Variants in HNRNPR observed in about 807,000 individuals in gnomAD.
The protein encoded by HNRNPR is heterogeneous nuclear ribonucleoprotein R.
A neutral mutation model predicts 70.3 loss-of-function variants in HNRNPR; 4 were observed. The ratio of observed to expected loss-of-function variants is 0.06; its 90% CI spans 0.03 to 0.13. The LOEUF (loss-of-function observed/expected upper bound fraction) is 0.13, where lower values mean the gene tolerates loss of function less well. Ranked by LOEUF, HNRNPR falls within the 10% of genes least tolerant of loss-of-function variation. HNRNPR has a pLI of 1.00. For missense variants in HNRNPR, 423 were observed against 788.5 expected, an observed-to-expected ratio of 0.54 and a Z score of 5.55; for synonymous variants, 241 against 267.6, an observed-to-expected ratio of 0.90 and a Z score of 0.97.
chr1:23,326,304 A>G (rs1645972951), intron 5 of HNRNPR, among the ~76,000 whole-genome samples: 1 of 152,098 alleles, frequency 6.6e-6, no homozygotes, highest in Non-Finnish European at 1.5e-5. Context: ...CATCATCACA[A>G]CTAGGGATAC....
chr1:23,311,423 A>C (rs1485108964), intron 9 of HNRNPR, 101 bp from the exon 10 acceptor site: 4 of 730,342 alleles, frequency 5.5e-6, no homozygotes, highest in African/African-American at 5.4e-5. Context: ...TACACTTAAC[A>C]ATTTACTTCA....
At chr1:23,319,491 CTTCT>C (rs1286359625) in intron 7 of HNRNPR, among the ~76,000 whole-genome samples, 5 of 152,204 alleles carry the variant, frequency 3.3e-5, no homozygotes, top group South Asian at 4.1e-4. Flanking sequence ...AACTCATTTA[CTTCT>C]TTCTATCTCC....
chr1:23,328,510 C>T (rs1329603002), intron 5 of HNRNPR, among the ~76,000 whole-genome samples: 1 of 151,624 alleles, frequency 6.6e-6, no homozygotes, highest in Non-Finnish European at 1.5e-5. Context: ...GTTGTTGTTG[C>T]TGTTTTTGAG....
At chr1:23,339,955 A>G (rs1646649612) in intron 2 of HNRNPR, among the ~76,000 whole-genome samples, 1 of 152,240 alleles carries the variant, frequency 6.6e-6, no homozygotes. Flanking sequence ...AAATGCGACC[A>G]TGACCCAGGA....
In HNRNPR at chr1:23,320,065, C is replaced by A. The variant is rs181368078; in HGVS notation, c.812-1377G>T. The stretch of plus-strand genomic sequence containing the variant: ...TTATTTTTTATATTCTTGGTCTTAT[C>A]TCCTTTCTCAGGATATAGGATCTAT... On this transcript the variant is annotated intron_variant, in intron 7 of 10. Transcript: ENST00000302271. Among the ~76,000 whole-genome samples the A allele has an allele frequency of 3.7e-4, 56 of 152,278 alleles. No individual in the cohort carries two copies. The East Asian group carries it at 9.1e-3, about 25-fold the overall frequency.
chr1:23,329,917 C>A (rs1263849323), intron 5 of HNRNPR, among the ~76,000 whole-genome samples: 1 of 152,168 alleles, frequency 6.6e-6, no homozygotes, highest in Non-Finnish European at 1.5e-5. Context: ...AAGCATGAGC[C>A]ACCACACCCA....
intron 5 of HNRNPR, among the ~76,000 whole-genome samples, chr1:23,331,189 A>C (rs754115485): frequency 4.6e-5 from 7 of 152,172 alleles, no homozygotes; most frequent in Non-Finnish European, 8.8e-5. Flanking sequence ...TCTTTCTCCT[A>C]AAGGAACAAT....
intron 5 of HNRNPR, among the ~76,000 whole-genome samples, chr1:23,330,274 C>T (rs1418183618): frequency 1.3e-5 from 2 of 151,792 alleles, no homozygotes; most frequent in South Asian, 2.1e-4. Context: ...AGGTTGCTCA[C>T]TCCTGTAATC....
chr1:23,314,845 C>T (rs1182679567), intron 8 of HNRNPR, among the ~76,000 whole-genome samples: 2 of 152,152 alleles, frequency 1.3e-5, no homozygotes, highest in Non-Finnish European at 1.5e-5. Context: ...AGAATCTATC[C>T]TACAGATATA....
intron 5 of HNRNPR, among the ~76,000 whole-genome samples, chr1:23,332,571 AT>A (rs1360363869): frequency 2.6e-5 from 4 of 151,384 alleles, no homozygotes; most frequent in Admixed American, 1.3e-4. Flanking sequence ...GTGGTGGTGC[AT>A]GCCAGTAATC....
Position 23,310,680 on chromosome 1 carries a change from C to T in HNRNPR, c.1676G>A (p.Arg559His), listed in dbSNP as rs747863589. Residue 559 changes from arginine to histidine, a missense_variant, in exon 11 of 11, where the codon CGT (arginine) becomes CAT (histidine). Physicochemically the swap from Arg to His is conservative, Grantham distance 29 (BLOSUM62 0). Transcript: ENST00000302271. This position sits in a 1 kb window ranked among gnomAD's most constrained non-coding sequence, Gnocchi z 6.0. ...GCCCCCACGATTGCCCCGAGATCCA[C>T]GGGAACCACGGCCTCTCTGCTGTTG... ...PAQQQRGRGSRGSRGNRGGNV... is the reference protein window; with the variant it reads ...PAQQQRGRGSHGSRGNRGGNV... 5 of 1,613,398 alleles carry T rather than the reference C, an allele frequency of 3.1e-6. No individual in the cohort carries two copies. The African/African-American group carries it at 4.0e-5, about 13-fold the overall frequency.
chr1:23,339,417 C>A (rs117831601), intron 2 of HNRNPR, among the ~76,000 whole-genome samples: 1 of 152,180 alleles, frequency 6.6e-6, no homozygotes, highest in Admixed American at 6.5e-5. Context: ...ATATACACTG[C>A]ATTTCATATA....
chr1:23,320,624 T>C (rs1280699892), intron 7 of HNRNPR, among the ~76,000 whole-genome samples: 1 of 152,286 alleles, frequency 6.6e-6, no homozygotes, highest in East Asian at 1.9e-4. Context: ...ATGATAAAAA[T>C]GTAAAGAAAC....
At chr1:23,327,245 A>G (rs1467367939) in intron 5 of HNRNPR, among the ~76,000 whole-genome samples, 1 of 152,204 alleles carries the variant, frequency 6.6e-6, no homozygotes, top group Non-Finnish European at 1.5e-5. Context: ...CAGAACTTGT[A>G]TAATACAAAT....
chr1:23,342,935 C>A (rs1204899785), intron 1 of HNRNPR, among the ~76,000 whole-genome samples: 1 of 151,710 alleles, frequency 6.6e-6, no homozygotes, highest in Non-Finnish European at 1.5e-5. Context: ...TTAAAATTTT[C>A]AAAAAAAGTT....
chr1:23,326,348 C>T (rs1645975156), intron 5 of HNRNPR, among the ~76,000 whole-genome samples: 2 of 152,138 alleles, frequency 1.3e-5, no homozygotes, highest in African/African-American at 4.8e-5. Context: ...AGTGATGTCC[C>T]TGCAGAACAA....
At chr1:23,328,408 G>T (rs55740039) in intron 5 of HNRNPR, among the ~76,000 whole-genome samples, 17 of 152,350 alleles carry the variant, frequency 1.1e-4, no homozygotes, top group Admixed American at 1.1e-3. Flanking sequence ...AGCTATGAAG[G>T]TGGTAAGAAT....
rs1006768160 is a variant in HNRNPR, at chr1:23,308,757, A to G, written c.*1697T>C. 6.6e-6 allele frequency: 1 copy of G among 152,094 alleles called. No homozygotes were observed. The highest frequency in any genetic ancestry group is 2.4e-5 in the African/African-American group (1 of 41,452). The allele number at this position is 152,094 out of a possible 1,614,324, so 9.4% of individuals were successfully genotyped here. A position where few individuals can be genotyped will look rare whatever the true frequency, so the allele number is the denominator to read the frequency against. ...AGTAATCTTAAATTGAAATGAAAAG[A>G]AGCCATGAAACCCAATATGATCTAG... On this transcript the variant is annotated 3_prime_UTR_variant, in exon 11 of 11. Coordinates refer to ENST00000302271, the MANE Select transcript of HNRNPR (RefSeq NM_005826.5).
At chr1:23,336,943 G>C (rs544872421) in intron 4 of HNRNPR, among the ~76,000 whole-genome samples, 44 of 152,164 alleles carry the variant, frequency 2.9e-4, no homozygotes, top group African/African-American at 1.0e-3. Flanking sequence ...TATAGTTCTT[G>C]CTACATTCCA....
Sources: gnomAD v4.1 joint callset for allele counts (sites outside exome capture counted in the v4.1 genomes callset) on GRCh38, gnomAD v4.1.1 for gene constraint, Gnocchi (gnomAD v3.1) non-coding constraint, MANE v1.5 for transcripts, NCBI Gene and HGNC (gene_info 2026-07-23, HGNC 2026-07-21) for gene names.